SKAP1: variants seen among roughly 807,000 people sequenced by gnomAD.
SKAP1 encodes src kinase-associated phosphoprotein 1.
In SKAP1, 44 loss-of-function variants were observed where a neutral mutation model predicts 58.5. The observed-to-expected ratio is 0.75, with a 90% CI of 0.59 to 0.97. The LOEUF (loss-of-function observed/expected upper bound fraction) is 0.97, where lower values mean the gene tolerates loss of function less well. SKAP1 is among the 50% of genes least tolerant of loss of function. The pLI is 0.00. For synonymous variants in SKAP1, 127 were observed against 149.7 expected, an observed-to-expected ratio of 0.85 and a Z score of 1.11; for missense variants, 390 against 435.2, an observed-to-expected ratio of 0.90 and a Z score of 0.92.
chr17:48,229,513 C>T (rs530152723), intron 4 of SKAP1, among the ~76,000 whole-genome samples: 37 of 151,974 alleles, frequency 2.4e-4, no homozygotes, highest in South Asian at 2.3e-3. Context: ...CTCAGCTACT[C>T]GGGAGGCTGA....
At chr17:48,424,387 A>G (rs1020415456) in intron 1 of SKAP1, among the ~76,000 whole-genome samples, 2 of 151,348 alleles carry the variant, frequency 1.3e-5, no homozygotes, top group Admixed American at 6.6e-5. Flanking sequence ...CACCACGCCC[A>G]GCTAATTTTT....
At chr17:48,295,190 A>G (rs2144098397) in intron 4 of SKAP1, among the ~76,000 whole-genome samples, 1 of 152,310 alleles carries the variant, frequency 6.6e-6, no homozygotes, top group Non-Finnish European at 1.5e-5. Flanking sequence ...AAGGAAGTTG[A>G]CTTCAATCGG....
At position 48,415,347 on chromosome 17, in the gene SKAP1, A is replaced by T. The variant is rs373263748; in HGVS notation, c.46+14728T>A. On this transcript the variant is annotated intron_variant, in intron 1 of 12. Transcript: ENST00000336915. ...CACCACCCTTTGGCAAAAAAAAATT[A>T]AAAAATAAAAAAAAGTCTCAAGTAC... is the stretch of plus-strand genomic sequence containing the variant. 9.1e-3 allele frequency among the ~76,000 whole-genome samples: 638 copies of T among 70,174 alleles called. 3 individuals are homozygous for T. Among genetic ancestry groups the T allele is most frequent in the Non-Finnish European group, 0.011 (411 of 36,620 alleles). The allele number at this position is 70,174 out of a possible 152,430, so 46.0% of individuals were successfully genotyped here.
intron 3 of SKAP1, among the ~76,000 whole-genome samples, chr17:48,351,270 A>G (rs553658141): frequency 3.2e-4 from 49 of 152,374 alleles, no homozygotes; most frequent in African/African-American, 1.2e-3. Flanking sequence ...ATATTCATGC[A>G]TTAGAAAATG....
intron 1 of SKAP1, among the ~76,000 whole-genome samples, chr17:48,416,019 T>C (rs954483494): frequency 6.6e-6 from 1 of 152,198 alleles, no homozygotes; most frequent in Non-Finnish European, 1.5e-5. Flanking sequence ...ACTTGAAAAG[T>C]AGTTTTTAAA....
intron 4 of SKAP1, among the ~76,000 whole-genome samples, chr17:48,224,123 G>C (rs1244309069): frequency 1.5e-5 from 2 of 133,018 alleles, no homozygotes; most frequent in Non-Finnish European, 3.2e-5. Flanking sequence ...GAACTTTCCA[G>C]AAAGGAAACA....
chr17:48,182,766 C>T (rs1744533946), intron 7 of SKAP1, among the ~76,000 whole-genome samples: 1 of 152,188 alleles, frequency 6.6e-6, no homozygotes, highest in South Asian at 2.1e-4. Flanking sequence ...GAAAAAGAAG[C>T]AAACCAACCC....
At chr17:48,194,460 A>C (rs551660646) in intron 4 of SKAP1, among the ~76,000 whole-genome samples, 23 of 152,278 alleles carry the variant, frequency 1.5e-4, no homozygotes, top group African/African-American at 5.5e-4. Flanking sequence ...AAGACACGAG[A>C]GCTTATGTGA....
At chr17:48,403,604 T>G (rs2067530706) in intron 1 of SKAP1, among the ~76,000 whole-genome samples, 1 of 152,016 alleles carries the variant, frequency 6.6e-6, no homozygotes, top group African/African-American at 2.4e-5. Flanking sequence ...AAAATGGCCT[T>G]GCTACAAAAT....
In SKAP1 at chr17:48,379,682, C is replaced by CTT. The variant is rs397856911; in HGVS notation, c.153-15870_153-15869dup. ...AGATTCTATACTAAAGTATCTTCTT[C>CTT]TTTTTTTTTTTTTTTTTGAGACAGA... On this transcript the variant is annotated intron_variant, in intron 2 of 12. Transcript: ENST00000336915. Among the ~76,000 whole-genome samples the CTT allele has an allele frequency of 9.1e-3, 1,123 of 124,022 alleles. 28 individuals are homozygous for CTT. Among genetic ancestry groups the CTT allele is most frequent in the African/African-American group, 0.03 (1,018 of 34,172 alleles). The allele number at this position is 124,022 out of a possible 152,430, so 81.4% of individuals were successfully genotyped here. A position where few individuals can be genotyped will look rare whatever the true frequency, so the allele number is the denominator to read the frequency against.
chr17:48,248,129 G>A (rs1034006906), intron 4 of SKAP1, among the ~76,000 whole-genome samples: 6 of 152,198 alleles, frequency 3.9e-5, no homozygotes, highest in African/African-American at 1.4e-4. Context: ...AGACCTCATA[G>A]TGTAGAACTG....
intron 4 of SKAP1, among the ~76,000 whole-genome samples, chr17:48,305,253 T>C (rs1029096091): frequency 1.3e-5 from 2 of 152,146 alleles, no homozygotes; most frequent in Non-Finnish European, 1.5e-5. Flanking sequence ...GGTACAATCA[T>C]GGCTCACTGC....
chr17:48,137,419 C>G (rs2063714796), intron 11 of SKAP1, 82 bp from the exon 12 acceptor site: 1 of 929,464 alleles, frequency 1.1e-6, no homozygotes, highest in Non-Finnish European at 1.7e-6. Flanking sequence ...ATGGGAGATT[C>G]TGTTTGGTGG....
chr17:48,357,815 GTT>G (rs2066895800), intron 3 of SKAP1, among the ~76,000 whole-genome samples: 2 of 152,252 alleles, frequency 1.3e-5, no homozygotes, highest in African/African-American at 2.4e-5. Context: ...TTCAAAAACA[GTT>G]TGTGTGTGTG....
chr17:48,390,797 AGGTGC>A (rs2067334807), intron 2 of SKAP1, among the ~76,000 whole-genome samples: 1 of 152,156 alleles, frequency 6.6e-6, no homozygotes, highest in African/African-American at 2.4e-5. Flanking sequence ...ACATTGTCCT[AGGTGC>A]GGTGGCTCAC....
chr17:48,271,586 T>G (rs1356363662), intron 4 of SKAP1, among the ~76,000 whole-genome samples: 1 of 152,114 alleles, frequency 6.6e-6, no homozygotes, highest in Non-Finnish European at 1.5e-5. Context: ...GATCCTGAAC[T>G]ACTGGCCTCA....
intron 1 of SKAP1, among the ~76,000 whole-genome samples, chr17:48,406,119 G>A (rs924065527): frequency 7.9e-5 from 12 of 151,794 alleles, no homozygotes; most frequent in Admixed American, 2.6e-4. Context: ...ACAAAAATTA[G>A]TCGGGCGTGG....
intron 2 of SKAP1, among the ~76,000 whole-genome samples, chr17:48,384,199 G>A (rs1394845885): frequency 1.3e-5 from 2 of 152,136 alleles, no homozygotes; most frequent in Non-Finnish European, 2.9e-5. Context: ...GAAAGAGGAG[G>A]ACATTTAGAA....
intron 2 of SKAP1, among the ~76,000 whole-genome samples, chr17:48,381,472 TGCC>T (rs1172713768): frequency 6.6e-6 from 1 of 152,222 alleles, no homozygotes; most frequent in Non-Finnish European, 1.5e-5. Context: ...CAAGTCATGA[TGCC>T]AACTCATCCA....
Sources: allele counts gnomAD v4.1 joint callset (sites outside exome capture counted in the v4.1 genomes callset), GRCh38; gene constraint gnomAD v4.1.1; transcripts MANE v1.5; gene names NCBI Gene and HGNC (gene_info 2026-07-23, HGNC 2026-07-21).